The following SH3GL2 variants were observed in gnomAD, a reference collection of about 807,000 sequenced individuals.
SH3GL2 encodes the protein SH3 domain containing GRB2 like 2, endophilin A1.
Under a neutral mutation model 46.0 loss-of-function variants are expected in SH3GL2, and 24 were observed. That is an observed-to-expected ratio of 0.52 (90% CI 0.38 to 0.73). The LOEUF (loss-of-function observed/expected upper bound fraction) is 0.73, where lower values mean the gene tolerates loss of function less well. Ranked by LOEUF, SH3GL2 falls within the 30% of genes least tolerant of loss-of-function variation. The pLI, the probability that SH3GL2 is intolerant of heterozygous loss-of-function variation, is 0.00. For missense variants in SH3GL2, 413 were observed against 424.2 expected, an observed-to-expected ratio of 0.97 and a Z score of 0.23; for synonymous variants, 196 against 147.1, an observed-to-expected ratio of 1.33 and a Z score of -2.40.
At chr9:17,593,727 T>C (rs1300172941) in intron 1 of SH3GL2, among the ~76,000 whole-genome samples, 2 of 152,210 alleles carry the variant, frequency 1.3e-5, no homozygotes, top group Non-Finnish European at 2.9e-5. Context: ...CTGAGTCATC[T>C]GTTCTGTGCC....
chr9:17,656,148 T>C (rs60421701), intron 1 of SH3GL2, among the ~76,000 whole-genome samples: 2 of 152,234 alleles, frequency 1.3e-5, no homozygotes, highest in African/African-American at 2.4e-5. Context: ...TTATTTTCTA[T>C]GTAAATTGTG....
chr9:17,656,380 T>A (rs1820077764), intron 1 of SH3GL2, among the ~76,000 whole-genome samples: 1 of 151,694 alleles, frequency 6.6e-6, no homozygotes, highest in Non-Finnish European at 1.5e-5. Flanking sequence ...AAATTGTAAA[T>A]TTGTTGAAAA....
At chr9:17,727,032 G>T (rs1033080637) in intron 1 of SH3GL2, among the ~76,000 whole-genome samples, 2 of 152,098 alleles carry the variant, frequency 1.3e-5, no homozygotes, top group African/African-American at 4.8e-5. Context: ...TGCACTTTTT[G>T]TAATAGTGAA....
At chr9:17,698,936 C>T (rs1034942416) in intron 1 of SH3GL2, among the ~76,000 whole-genome samples, 5 of 152,106 alleles carry the variant, frequency 3.3e-5, no homozygotes, top group South Asian at 4.1e-4. Flanking sequence ...GCGGGTGGCT[C>T]ATGAAGTCAG....
intron 1 of SH3GL2, among the ~76,000 whole-genome samples, chr9:17,697,938 GA>G (rs1280534352): frequency 6.6e-6 from 1 of 152,192 alleles, no homozygotes; most frequent in East Asian, 1.9e-4. Flanking sequence ...CTGGGAGCTA[GA>G]AAATGGGCTA....
At chr9:17,580,826 C>G (rs1818264603) in intron 1 of SH3GL2, among the ~76,000 whole-genome samples, 1 of 152,180 alleles carries the variant, frequency 6.6e-6, no homozygotes. Context: ...TAGCATATCT[C>G]AGCACTGCGT....
At chr9:17,794,800 C>G (rs1824232836) in intron 8 of SH3GL2, among the ~76,000 whole-genome samples, 1 of 152,180 alleles carries the variant, frequency 6.6e-6, no homozygotes, top group African/African-American at 2.4e-5. Context: ...CTCCAGTGCA[C>G]TGCATATATT....
intron 1 of SH3GL2, among the ~76,000 whole-genome samples, chr9:17,607,715 A>T (rs1818786099): frequency 6.6e-6 from 1 of 152,114 alleles, no homozygotes; most frequent in African/African-American, 2.4e-5. Context: ...TGTATTTTTG[A>T]CTTTTTCTTC....
intron 1 of SH3GL2, among the ~76,000 whole-genome samples, chr9:17,651,307 G>T (rs751105982): frequency 1.3e-5 from 2 of 152,140 alleles, no homozygotes; most frequent in Non-Finnish European, 2.9e-5. Flanking sequence ...ACAGGGATTT[G>T]ACATCTTTAA....
chr9:17,684,869 C>A (rs1820864160), intron 1 of SH3GL2, among the ~76,000 whole-genome samples: 1 of 152,044 alleles, frequency 6.6e-6, no homozygotes, highest in African/African-American at 2.4e-5. Flanking sequence ...TATAAGTGAT[C>A]TTATTACTCT....
intron 1 of SH3GL2, among the ~76,000 whole-genome samples, chr9:17,682,133 A>G (rs1485715740): frequency 6.6e-6 from 1 of 152,200 alleles, no homozygotes; most frequent in Non-Finnish European, 1.5e-5. Flanking sequence ...TAGTTCAACC[A>G]TTTTGGAAGA....
At chr9:17,784,231 C>T (rs1823893188) in intron 3 of SH3GL2, among the ~76,000 whole-genome samples, 1 of 152,028 alleles carries the variant, frequency 6.6e-6, no homozygotes, top group Non-Finnish European at 1.5e-5. Context: ...AAGAATAAAG[C>T]TCTTCATAAT....
chr9:17,624,394 C>T (rs1181765757), intron 1 of SH3GL2, among the ~76,000 whole-genome samples: 1 of 152,140 alleles, frequency 6.6e-6, no homozygotes, highest in Non-Finnish European at 1.5e-5. Context: ...ATTTAGCATC[C>T]ATTGATGATT....
intron 1 of SH3GL2, chr9:17,591,133 A>G (rs931268523): frequency 6.6e-6 from 1 of 152,142 alleles, no homozygotes; most frequent in Non-Finnish European, 1.5e-5. Context: ...AAGCATTTTG[A>G]TACATTTTCA....
chr9:17,680,118 T>C (rs1480700510), intron 1 of SH3GL2, among the ~76,000 whole-genome samples: 1 of 152,210 alleles, frequency 6.6e-6, no homozygotes, highest in Non-Finnish European at 1.5e-5. Flanking sequence ...TGCCCGGCTT[T>C]GGTATCAGGA....
At chr9:17,758,643 C>T (rs1047308948) in intron 2 of SH3GL2, among the ~76,000 whole-genome samples, 1 of 145,452 alleles carries the variant, frequency 6.9e-6, no homozygotes, top group Non-Finnish European at 1.5e-5. Context: ...AAAAGTGGGT[C>T]CCTCTTTAGT....
chr9:17,633,601 A>G (rs924064210), intron 1 of SH3GL2, among the ~76,000 whole-genome samples: 18 of 152,124 alleles, frequency 1.2e-4, no homozygotes, highest in Non-Finnish European at 2.9e-5. Flanking sequence ...GTTTTGGCAC[A>G]TTTGTAGTAG....
intron 3 of SH3GL2, among the ~76,000 whole-genome samples, chr9:17,777,095 T>G (rs1823662527): frequency 6.6e-6 from 1 of 152,130 alleles, no homozygotes; most frequent in Non-Finnish European, 1.5e-5. Context: ...TTTCGGAAAA[T>G]CTTAGATTAC....
intron 1 of SH3GL2, among the ~76,000 whole-genome samples, chr9:17,684,698 A>G (rs1285293333): frequency 6.6e-6 from 1 of 152,142 alleles, no homozygotes; most frequent in African/African-American, 2.4e-5. Context: ...ACAAAATTTC[A>G]AAGTCAACCA....
Sources: gnomAD v4.1 joint callset for allele counts (sites outside exome capture counted in the v4.1 genomes callset) on GRCh38, gnomAD v4.1.1 for gene constraint, MANE v1.5 for transcripts, NCBI Gene and HGNC (gene_info 2026-07-23, HGNC 2026-07-21) for gene names.